CNNM3: variants seen among roughly 807,000 people sequenced by gnomAD.
CNNM3 encodes the protein cyclin and CBS domain divalent metal cation transport mediator 3, also known as metal transporter CNNM3.
CNNM3 carries 47 observed loss-of-function variants against 57.1 expected under a neutral mutation model. That is an observed-to-expected ratio of 0.82 (90% confidence interval 0.65 to 1.05). The LOEUF is 1.05. Among genes scored for constraint, CNNM3 ranks in the 50% least tolerant of loss-of-function variants. CNNM3 has a pLI of 0.00. For synonymous variants in CNNM3, 507 were observed against 478.2 expected (o/e 1.06, Z -0.79); for missense variants, 957 against 973.7 (o/e 0.98, Z 0.23).
chr2:96,836,411 T>C (rs2079692081), downstream of CNNM3, among the ~76,000 whole-genome samples: 1 of 152,084 alleles, frequency 6.6e-6, no homozygotes. Flanking sequence ...CTGGCTAATT[T>C]TGTATTTTCA....
chr2:96,821,954 T>A (rs1051567782), intron 1 of CNNM3, among the ~76,000 whole-genome samples: 1 of 152,112 alleles, frequency 6.6e-6, no homozygotes. Context: ...TTTGAACCAT[T>A]GTTAAGTAAG....
rs1215362346 is a variant in CNNM3, at chr2:96,817,204, G to T, written c.927G>T (p.Leu309=). Residue 309 remains leucine, a synonymous_variant, in exon 1 of 8, where the codon CTG becomes CTT. Coordinates refer to ENST00000305510, the MANE Select transcript of CNNM3 (RefSeq NM_017623.5). ...ACAGCGATCTCAGCAAGGGCGTGCTGCGCTGCCGGACCGTGGAGGACGTGC... is the reference window on the plus strand; with the variant it reads ...ACAGCGATCTCAGCAAGGGCGTGCTTCGCTGCCGGACCGTGGAGGACGTGC... ...DPYSDLSKGV[L]RCRTVEDVLT... is the part of the protein sequence containing the mutation. 6.3e-7 allele frequency: 1 copy of T among 1,591,606 alleles called. No individual in the cohort carries two copies. Among genetic ancestry groups the T allele is most frequent in the Non-Finnish European group, 8.5e-7 (1 of 1,171,500 alleles).
intron 2 of CNNM3, among the ~76,000 whole-genome samples, chr2:96,825,934 T>TTGCATGGTAAAAGTGTCCGCTAAC (rs2079494753): frequency 6.6e-6 from 1 of 152,168 alleles, no homozygotes. Flanking sequence ...GTGCCCTTGA[T>TTGCATGGTAAAAGTGTCCGCTAAC]TGCATGGTAA....
At position 96,828,700 on chromosome 2, in the gene CNNM3, G is replaced by A. The variant is rs768362653; in HGVS notation, c.1920G>A (p.Lys640=). The A allele has an allele frequency of 2.5e-6, 4 of 1,614,058 alleles. No individual in the cohort carries two copies. The highest frequency in any genetic ancestry group is 3.4e-6 in the Non-Finnish European group (4 of 1,180,034). ...VRALSDLQLI[K]VTRLQYLNAL... is the part of the protein sequence containing the mutation. ...CGCTCTCTGATCTGCAGCTCATCAA[G>A]GTGACTGCCTGGGCTGCTTGTGGGT... is the stretch of plus-strand genomic sequence containing the variant. Residue 640 remains lysine, a splice_region_variant and synonymous_variant, in exon 6 of 8, where the codon AAG becomes AAA. Transcript: ENST00000305510.
Position 96,833,272 on chromosome 2 carries a change from C to T in CNNM3, c.*656C>T. The stretch of plus-strand genomic sequence containing the variant: ...TGCTCTTCTGATTCTGAGAGCTGGC[C>T]TAGTGGTGCTGAGGGCCCCTTTCTG... On this transcript the variant is annotated 3_prime_UTR_variant, in exon 8 of 8. Transcript: ENST00000305510. The T allele has an allele frequency of 3.0e-6, 1 of 333,290 alleles. No individual in the cohort carries two copies. The highest frequency in any genetic ancestry group is 5.9e-6 in the Non-Finnish European group (1 of 168,856). The allele number at this position is 333,290 out of a possible 1,614,324, so 20.6% of individuals were successfully genotyped here.
Position 96,833,678 on chromosome 2 carries a change from C to T in CNNM3, c.*1062C>T, listed in dbSNP as rs2079643516. The T allele has an allele frequency of 6.6e-6, 1 of 152,140 alleles. No homozygotes were observed. Among genetic ancestry groups the T allele is most frequent in the Non-Finnish European group, 1.5e-5 (1 of 68,052 alleles). The allele number at this position is 152,140 out of a possible 1,614,324, so 9.4% of individuals were successfully genotyped here. A position where few individuals can be genotyped will look rare whatever the true frequency, so the allele number is the denominator to read the frequency against. On this transcript the variant is annotated 3_prime_UTR_variant, in exon 8 of 8. Coordinates refer to ENST00000305510, the MANE Select transcript of CNNM3 (RefSeq NM_017623.5). ...TTTTTCTTCTAGTTTACTACATTTT[C>T]CTTCCGTAGTTCTTCAGCTGTGTGG...
chr2:96,828,681 C>T lies in CNNM3; in HGVS notation c.1901C>T (p.Ser634Phe). The part of the protein sequence containing the change: ...YCPDYTVRAL[S>F]DLQLIKVTRL... Reference sequence around the variant, plus strand: ...CCCGACTACACCGTGAGGGCGCTCTCTGATCTGCAGCTCATCAAGGTGACT... The same window carrying T: ...CCCGACTACACCGTGAGGGCGCTCTTTGATCTGCAGCTCATCAAGGTGACT... The change falls in exon 6 of 8, where the codon TCT (serine) becomes TTT (phenylalanine). Residue 634 changes from serine to phenylalanine, a missense_variant. Ser to Phe is a radical substitution (Grantham distance 155, BLOSUM62 -2). Around this residue, in one of 2 missense-constraint regions of CNNM3, gnomAD observed 491 missense variants for 570.6 expected, o/e 0.86. Coordinates refer to ENST00000305510, the MANE Select transcript of CNNM3 (RefSeq NM_017623.5). The T allele has an allele frequency of 6.2e-7, 1 of 1,614,202 alleles. No individual in the cohort carries two copies. The highest frequency in any genetic ancestry group is 8.5e-7 in the Non-Finnish European group (1 of 1,180,046).
chr2:96,823,536 T>C (rs2079443260), intron 1 of CNNM3, among the ~76,000 whole-genome samples: 1 of 152,152 alleles, frequency 6.6e-6, no homozygotes, highest in Admixed American at 6.5e-5. Flanking sequence ...TGAGTGGCAA[T>C]CTCCAGGGGC....
At chr2:96,826,319 C>G (rs923515063) in intron 2 of CNNM3, among the ~76,000 whole-genome samples, 1 of 151,938 alleles carries the variant, frequency 6.6e-6, no homozygotes. Context: ...CTCAAGTGTT[C>G]CTCCCACCTC....
chr2:96,816,757 G>A lies in CNNM3; in HGVS notation c.480G>A (p.Ala160=), dbSNP rs1574096043. The A allele has an allele frequency of 9.8e-7, 1 of 1,018,444 alleles. No individual in the cohort carries two copies. The highest frequency in any genetic ancestry group is 1.2e-6 in the Non-Finnish European group (1 of 853,862). 63.1% of individuals were successfully genotyped at this position (1,018,444 alleles called of 1,614,324 possible). A position where few individuals can be genotyped will look rare whatever the true frequency, so the allele number is the denominator to read the frequency against. ...LARGLQLSAL[A]LAPAEVQVLR... Reference sequence around the variant, plus strand: ...GAGGCCTGCAGCTGAGCGCGCTGGCGCTGGCGCCTGCCGAGGTGCAGGTGC... The same window carrying A: ...GAGGCCTGCAGCTGAGCGCGCTGGCACTGGCGCCTGCCGAGGTGCAGGTGC... Residue 160 remains alanine, a synonymous_variant, in exon 1 of 8, where the codon GCG becomes GCA. Coordinates refer to ENST00000305510, the MANE Select transcript of CNNM3 (RefSeq NM_017623.5).
At position 96,829,145 on chromosome 2, in the gene CNNM3, A is replaced by C; in HGVS notation, c.2059+11A>C. On this transcript the variant is annotated intron_variant, in intron 7 of 7. Coordinates refer to ENST00000305510, the MANE Select transcript of CNNM3 (RefSeq NM_017623.5). ...CCACCACAGCGGCAGGTGAGTGCCA[A>C]GTGGTACATCGTGCATGGTGTCTGG... 4 of 1,613,642 alleles carry C rather than the reference A, an allele frequency of 2.5e-6. No individual in the cohort carries two copies. The highest frequency in any genetic ancestry group is 2.7e-5 in the African/African-American group (2 of 74,970).
Position 96,829,610 on chromosome 2 carries a change from C to CTTT in CNNM3, c.2059+487_2059+489dup, listed in dbSNP as rs11447794. 4.9e-5 allele frequency among the ~76,000 whole-genome samples: 7 copies of CTTT among 143,592 alleles called. No homozygotes were observed. The East Asian group carries it at 6.1e-4, about 13-fold the overall frequency. 94.2% of individuals were successfully genotyped at this position (143,592 alleles called of 152,430 possible). ...ACCACTGTGCCCAACCCCCTTCTTG[C>CTTT]TTTTTTTTTTTTTAATTCATTATTC... On this transcript the variant is annotated intron_variant, in intron 7 of 7. Transcript: ENST00000305510.
intron 1 of CNNM3, among the ~76,000 whole-genome samples, chr2:96,819,439 A>G (rs184558913): frequency 6.6e-6 from 1 of 152,096 alleles, no homozygotes; most frequent in South Asian, 2.1e-4. Flanking sequence ...CTCATCAAGC[A>G]CTTTGGCCAG....
At chr2:96,829,243 C>A (rs1254728614) in intron 7 of CNNM3, 109 bp downstream of exon 7, 4 of 1,348,668 alleles carry the variant, frequency 3.0e-6, no homozygotes, top group South Asian at 2.1e-5. Flanking sequence ...TTTTTTCTCT[C>A]TTTTCTCCCC....
chr2:96,830,513 A>G (rs1389381407), intron 7 of CNNM3, among the ~76,000 whole-genome samples: 2 of 152,214 alleles, frequency 1.3e-5, no homozygotes, highest in Non-Finnish European at 2.9e-5. Flanking sequence ...TCCTTTCTGA[A>G]TTGTGAGGTC....
In CNNM3 at chr2:96,828,617, C is replaced by A; in HGVS notation, c.1837C>A (p.Pro613Thr). ...CCAGCCCATCCGCCATGACCTGCAG[C>A]CCGACCCAGGTGACGGCACGCATTC... ...SLQPIRHDLQ[P>T]DPGDGTHSSA... The change falls in exon 6 of 8, where the codon CCC becomes ACC. Residue 613 changes from proline to threonine, a missense_variant. Physicochemically the swap from Pro to Thr is conservative, Grantham distance 38. Around this residue, in one of 2 missense-constraint regions of CNNM3, gnomAD observed 491 missense variants for 570.6 expected, o/e 0.86. Coordinates refer to ENST00000305510, the MANE Select transcript of CNNM3 (RefSeq NM_017623.5). 1 of 1,614,198 alleles carries A rather than the reference C, an allele frequency of 6.2e-7. No individual in the cohort carries two copies. The highest frequency in any genetic ancestry group is 8.5e-7 in the Non-Finnish European group (1 of 1,180,042).
chr2:96,828,610 C>T lies in CNNM3; in HGVS notation c.1830C>T (p.Asp610=), dbSNP rs770701630. 1.2e-6 allele frequency: 2 copies of T among 1,614,232 alleles called. No homozygotes were observed. The highest frequency in any genetic ancestry group is 1.7e-6 in the Non-Finnish European group (2 of 1,180,048). Residue 610 remains aspartate, a synonymous_variant, in exon 6 of 8, where the codon GAC becomes GAT. Coordinates refer to ENST00000305510, the MANE Select transcript of CNNM3 (RefSeq NM_017623.5). ...CCTCGCTCCAGCCCATCCGCCATGA[C>T]CTGCAGCCCGACCCAGGTGACGGCA... ...PVSSLQPIRH[D]LQPDPGDGTH...
Position 96,828,637 on chromosome 2 carries a change from G to A in CNNM3, c.1857G>A (p.Thr619=), listed in dbSNP as rs769410936. 1.4e-5 allele frequency: 22 copies of A among 1,614,024 alleles called. No individual in the cohort carries two copies. The highest frequency in any genetic ancestry group is 6.7e-5 in the East Asian group (3 of 44,888). Reference sequence around the variant, plus strand: ...TGCAGCCCGACCCAGGTGACGGCACGCATTCATCTGCGTATTGTCCCGACT... The same window carrying A: ...TGCAGCCCGACCCAGGTGACGGCACACATTCATCTGCGTATTGTCCCGACT... The part of the protein sequence containing the change: ...HDLQPDPGDG[T]HSSAYCPDYT... Residue 619 remains threonine (T), a synonymous_variant, in exon 6 of 8, where the codon ACG becomes ACA. Coordinates refer to ENST00000305510, the MANE Select transcript of CNNM3 (RefSeq NM_017623.5).
downstream of CNNM3, among the ~76,000 whole-genome samples, chr2:96,835,569 T>C (rs1395928633): frequency 8.6e-5 from 13 of 151,632 alleles, no homozygotes; most frequent in African/African-American, 2.7e-4. Context: ...CCCGGGTTCA[T>C]GCCATTCTCC....
Sources: allele counts gnomAD v4.1 joint callset (sites outside exome capture counted in the v4.1 genomes callset), GRCh38; gene constraint gnomAD v4.1.1; regional missense constraint gnomAD v4.1.1; transcripts MANE v1.5; gene names NCBI Gene and HGNC (gene_info 2026-07-23, HGNC 2026-07-21).